Variants in PSEN1 observed in about 807,000 individuals in gnomAD.
PSEN1 encodes the protein presenilin-1.
Under a neutral mutation model 53.5 loss-of-function variants are expected in PSEN1, and 15 were observed. The observed-to-expected ratio is 0.28, with a 90% CI of 0.19 to 0.43. PSEN1 has a LOEUF of 0.43. PSEN1 is among the 20% of genes least tolerant of loss of function. The probability of loss-of-function intolerance (pLI) is 1.00; values close to 1 mark genes in which losing one functional copy is unlikely to be tolerated. For synonymous variants in PSEN1, 208 were observed against 209.8 expected (o/e 0.99, Z 0.08); for missense variants, 387 against 571.2 (o/e 0.68, Z 3.29).
chr14:73,206,054 A>C lies in PSEN1; in HGVS notation c.869-332A>C, dbSNP rs1899440826. The C allele has an allele frequency of 6.0e-5, 18 of 300,112 alleles. No homozygotes were observed. In the South Asian group the frequency reaches 7.1e-4, roughly 12 times the overall value. 18.6% of individuals were successfully genotyped at this position (300,112 alleles called of 1,614,324 possible). A position where few individuals can be genotyped will look rare whatever the true frequency, so the allele number is the denominator to read the frequency against. On this transcript the variant is annotated intron_variant, in intron 8 of 11. Coordinates refer to ENST00000324501, the MANE Select transcript of PSEN1 (RefSeq NM_000021.4). ...TGAGCTCCAGTTTGTCCTGGAATTT[A>C]GAACATTCAACTAGTCCAGCTATTG...
intron 5 of PSEN1, among the ~76,000 whole-genome samples, chr14:73,184,369 G>T (rs1898374878): frequency 1.5e-5 from 2 of 130,602 alleles, no homozygotes; most frequent in African/African-American, 3.0e-5. Flanking sequence ...CTCCCGGACG[G>T]GGCGGCTGGC....
chr14:73,153,191 A>C (rs1032414499), intron 3 of PSEN1, among the ~76,000 whole-genome samples: 2 of 152,248 alleles, frequency 1.3e-5, no homozygotes, highest in Admixed American at 6.5e-5. Flanking sequence ...GTATCATTAT[A>C]GTTATGAATT....
intron 3 of PSEN1, among the ~76,000 whole-genome samples, chr14:73,151,892 ATATTTTTTTTTTTTTTTT>A (rs1897237936): frequency 1.9e-5 from 1 of 51,472 alleles, no homozygotes; most frequent in Non-Finnish European, 3.0e-5. Flanking sequence ...ATATATATAT[ATATTTTTTTTTTTTTTTT>A]TTTTTTTTTT....
chr14:73,136,531 G>A lies in PSEN1; in HGVS notation c.-188G>A, dbSNP rs1896746386. 1.3e-5 allele frequency: 2 copies of A among 153,340 alleles called. No individual in the cohort carries two copies. Among genetic ancestry groups the A allele is most frequent in the South Asian group, 2.1e-4 (1 of 4,856 alleles). The allele number at this position is 153,340 out of a possible 1,614,324, so 9.5% of individuals were successfully genotyped here. On this transcript the variant is annotated 5_prime_UTR_variant, in exon 1 of 12. Transcript: ENST00000324501. ...CGGAAACAAAACAGCGGCTGGTCTG[G>A]AAGGAACCTGAGCTACGAGCCGCGG...
At chr14:73,184,786 G>A (rs1345786083) in intron 5 of PSEN1, among the ~76,000 whole-genome samples, 9 of 149,738 alleles carry the variant, frequency 6.0e-5, no homozygotes, top group East Asian at 2.0e-4. Context: ...GCTGCCGGGC[G>A]GAGACGCTCC....
chr14:73,177,074 C>A (rs1035946590), intron 5 of PSEN1, among the ~76,000 whole-genome samples: 3 of 152,164 alleles, frequency 2.0e-5, no homozygotes, highest in African/African-American at 7.2e-5. Flanking sequence ...CTGATTCTGG[C>A]TTTTGCTTTT....
intron 3 of PSEN1, 93 bp from the exon 4 acceptor site, chr14:73,170,702 CAT>C (rs1943169043): frequency 7.5e-7 from 1 of 1,327,402 alleles, no homozygotes; most frequent in Non-Finnish European, 1.1e-6. Context: ...TTTTAGAACT[CAT>C]AGTGACGGGT....
chr14:73,183,520 A>T (rs1179499366), intron 5 of PSEN1, among the ~76,000 whole-genome samples: 2 of 152,158 alleles, frequency 1.3e-5, no homozygotes, highest in Non-Finnish European at 2.9e-5. Context: ...TGCTGCCTTC[A>T]AGCATCTGTT....
intron 7 of PSEN1, chr14:73,197,720 C>G: frequency 2.7e-6 from 1 of 368,484 alleles, no homozygotes; most frequent in Non-Finnish European, 5.1e-6. Context: ...ATCATTATCT[C>G]TGCAGCTTTC....
chr14:73,191,776 G>A (rs1046865609), intron 6 of PSEN1, among the ~76,000 whole-genome samples: 16 of 152,026 alleles, frequency 1.1e-4, no homozygotes, highest in African/African-American at 2.4e-5. Context: ...TGGAATTCCT[G>A]GCCTCAAGTG....
rs1032264220 is a variant in PSEN1, at chr14:73,223,627, A to G, written c.*4338A>G. 4.6e-5 allele frequency: 7 copies of G among 152,230 alleles called. No homozygotes were observed. Among genetic ancestry groups the G allele is most frequent in the Non-Finnish European group, 8.8e-5 (6 of 68,042 alleles). The allele number at this position is 152,230 out of a possible 1,614,324, so 9.4% of individuals were successfully genotyped here. A position where few individuals can be genotyped will look rare whatever the true frequency, so the allele number is the denominator to read the frequency against. The stretch of plus-strand genomic sequence containing the variant: ...ATACCTTTCAAATTCTTGGTAAGAT[A>G]TAATTTTGATAGCTGATTGCAGATT... On this transcript the variant is annotated 3_prime_UTR_variant, in exon 12 of 12. Transcript: ENST00000324501.
At chr14:73,177,423 A>G (rs1408375862) in intron 5 of PSEN1, among the ~76,000 whole-genome samples, 1 of 148,050 alleles carries the variant, frequency 6.8e-6, no homozygotes, top group Non-Finnish European at 1.5e-5. Context: ...TTTTGTTTTG[A>G]GATAAAGTCT....
chr14:73,151,807 G>A (rs1566619377), intron 3 of PSEN1, among the ~76,000 whole-genome samples: 1 of 147,218 alleles, frequency 6.8e-6, no homozygotes, highest in Non-Finnish European at 1.5e-5. Flanking sequence ...GAGCTCAAGT[G>A]ATCCACATGT....
chr14:73,212,046 T>C lies in PSEN1; in HGVS notation c.1129+104T>C, dbSNP rs1277246986. On this transcript the variant is annotated intron_variant, in intron 10 of 11. Coordinates refer to ENST00000324501, the MANE Select transcript of PSEN1 (RefSeq NM_000021.4). ...AATTGAGAGTGTTACAGTCTAATTC[T>C]ATATCACATGTAACTTTTATTTGGA... 4.8e-6 allele frequency: 4 copies of C among 830,546 alleles called. No individual in the cohort carries two copies. In the East Asian group the frequency reaches 1.3e-4, roughly 28 times the overall value. 51.4% of individuals were successfully genotyped at this position (830,546 alleles called of 1,614,324 possible).
chr14:73,162,044 T>C (rs1254775672), intron 3 of PSEN1, among the ~76,000 whole-genome samples: 6 of 141,288 alleles, frequency 4.2e-5, no homozygotes, highest in Admixed American at 1.4e-4. Context: ...CCAGGTGTGG[T>C]GATAAGTGCC....
chr14:73,206,481 C>T lies in PSEN1; in HGVS notation c.955+9C>T. The T allele has an allele frequency of 6.3e-7, 1 of 1,581,912 alleles. No individual in the cohort carries two copies. The highest frequency in any genetic ancestry group is 8.7e-7 in the Non-Finnish European group (1 of 1,150,850). ...CAAGTATAATGCAGAAAGTAGGTAA[C>T]TTTTATTAGATAATATCTTGATTTT... On this transcript the variant is annotated intron_variant, in intron 9 of 11. Coordinates refer to ENST00000324501, the MANE Select transcript of PSEN1 (RefSeq NM_000021.4).
At chr14:73,160,803 C>CTTTTT (rs34048372) in intron 3 of PSEN1, among the ~76,000 whole-genome samples, 38 of 84,718 alleles carry the variant, frequency 4.5e-4, no homozygotes, top group East Asian at 6.9e-4. Context: ...AATTGTAGGA[C>CTTTTT]TTTTTTTTTT....
At chr14:73,179,233 G>A (rs376316327) in intron 5 of PSEN1, among the ~76,000 whole-genome samples, 2 of 152,280 alleles carry the variant, frequency 1.3e-5, no homozygotes, top group East Asian at 1.9e-4. Context: ...TCAGAGTAAG[G>A]ATTCCCTCCC....
At chr14:73,157,450 C>T (rs764013084) in intron 3 of PSEN1, among the ~76,000 whole-genome samples, 2 of 152,036 alleles carry the variant, frequency 1.3e-5, no homozygotes, top group Non-Finnish European at 2.9e-5. Context: ...AAGAAAGATA[C>T]ATTTTTAAAA....
Sources: gnomAD v4.1 joint callset for allele counts (sites outside exome capture counted in the v4.1 genomes callset) on GRCh38, gnomAD v4.1.1 for gene constraint, MANE v1.5 for transcripts, NCBI Gene and HGNC (gene_info 2026-07-23, HGNC 2026-07-21) for gene names.